The following AVEN variants were observed in gnomAD, a reference collection of about 807,000 sequenced individuals.
AVEN encodes cell death regulator Aven.
In AVEN, 41 loss-of-function variants were observed where a neutral mutation model predicts 38.1. The observed-to-expected ratio is 1.08, with a 90% CI of 0.84 to 1.40. The LOEUF (loss-of-function observed/expected upper bound fraction) is 1.40, where lower values mean the gene tolerates loss of function less well. Ranked by LOEUF, AVEN falls within the 40% of genes most tolerant of loss-of-function variation. The pLI is 0.00. For synonymous variants in AVEN, 206 were observed against 171.8 expected, an observed-to-expected ratio of 1.20 and a Z score of -1.56; for missense variants, 605 against 438.8, an observed-to-expected ratio of 1.38 and a Z score of -3.38.
intron 2 of AVEN, among the ~76,000 whole-genome samples, chr15:33,980,576 A>T (rs575395271): frequency 5.3e-4 from 80 of 152,276 alleles, no homozygotes; most frequent in Non-Finnish European, 1.1e-3. Context: ...GGCAAAAGGC[A>T]TCAATGAGTA....
chr15:33,924,380 AAATT>A (rs970933193), intron 2 of AVEN, among the ~76,000 whole-genome samples: 66 of 152,144 alleles, frequency 4.3e-4, no homozygotes, highest in African/African-American at 1.6e-3. Context: ...AAAAAAAAAA[AAATT>A]ATTATTTTTT....
intron 3 of AVEN, among the ~76,000 whole-genome samples, chr15:33,874,224 G>A (rs1331855763): frequency 6.6e-6 from 1 of 152,034 alleles, no homozygotes; most frequent in African/African-American, 2.4e-5. Context: ...TTATAACTCT[G>A]AGTTATATTT....
intron 1 of AVEN, among the ~76,000 whole-genome samples, chr15:34,072,660 T>A (rs917592029): frequency 8.5e-5 from 13 of 152,090 alleles, no homozygotes; most frequent in South Asian, 2.1e-4. Context: ...TATTATTATT[T>A]TTTTGAGATG....
At chr15:34,023,704 C>T (rs957567387) in intron 1 of AVEN, among the ~76,000 whole-genome samples, 3 of 152,272 alleles carry the variant, frequency 2.0e-5, no homozygotes, top group East Asian at 1.9e-4. Flanking sequence ...CCTTCAATCA[C>T]GCCAGGCTTA....
chr15:34,063,775 A>G lies in AVEN; in HGVS notation n.1127-343T>C, dbSNP rs150113487. 2.5e-4 allele frequency: 396 copies of G among 1,614,102 alleles called. No individual in the cohort carries two copies. The highest frequency in any genetic ancestry group is 2.9e-4 in the Non-Finnish European group (347 of 1,180,054). ...ACTTTTGTGAAAGCTGAAACTGAAA[A>G]AAGTGACTATGACACCCCAAACTAC... is the stretch of plus-strand genomic sequence containing the variant. On this transcript the variant is annotated intron_variant and non_coding_transcript_variant, in intron 4 of 11. Coordinates refer to the AVEN transcript ENST00000675287. This position sits in a 1 kb window ranked among gnomAD's most constrained non-coding sequence, Gnocchi z 4.1.
intron 2 of AVEN, among the ~76,000 whole-genome samples, chr15:33,980,719 C>T (rs375415283): frequency 6.6e-6 from 1 of 152,148 alleles, no homozygotes; most frequent in African/African-American, 2.4e-5. Flanking sequence ...TATCTGTACA[C>T]GGAGAACCCC....
chr15:33,937,458 G>A (rs1894128156), intron 2 of AVEN, among the ~76,000 whole-genome samples: 1 of 149,498 alleles, frequency 6.7e-6, no homozygotes, highest in African/African-American at 2.5e-5. Flanking sequence ...GCATGAACCT[G>A]GGAGGCGGAG....
At chr15:33,928,823 T>C (rs751538841) in intron 2 of AVEN, among the ~76,000 whole-genome samples, 8 of 152,142 alleles carry the variant, frequency 5.3e-5, no homozygotes, top group Non-Finnish European at 1.0e-4. Context: ...TCAGTCCAGA[T>C]GTGTCTTCAA....
At chr15:33,983,711 C>A (rs1301622014) in intron 2 of AVEN, among the ~76,000 whole-genome samples, 1 of 152,054 alleles carries the variant, frequency 6.6e-6, no homozygotes, top group Non-Finnish European at 1.5e-5. Flanking sequence ...TAGTGACTCG[C>A]TGCTAGTGAA....
At chr15:33,854,700 A>C (rs1197204973), downstream of AVEN, 1 of 1,535,206 alleles carries the variant, frequency 6.5e-7, no homozygotes, top group African/African-American at 1.4e-5. Flanking sequence ...AAATAAGAAA[A>C]AATGTTTTAT....
intron 2 of AVEN, among the ~76,000 whole-genome samples, chr15:33,905,970 T>C (rs1892685666): frequency 6.6e-6 from 1 of 152,212 alleles, no homozygotes; most frequent in South Asian, 2.1e-4. Flanking sequence ...TTTCTTCTAT[T>C]TCTAGATTTT....
intron 2 of AVEN, among the ~76,000 whole-genome samples, chr15:33,978,044 G>A (rs1436532687): frequency 1.3e-5 from 2 of 151,436 alleles, no homozygotes; most frequent in Admixed American, 6.6e-5. Context: ...GATGGAGGAG[G>A]AAGCGAGAGA....
At chr15:33,852,063 A>ATTTGCCGAGGTTATTCTTC in the AVEN span, 1 of 151,622 alleles carries the variant, frequency 6.6e-6, no homozygotes, top group Non-Finnish European at 1.5e-5. Flanking sequence ...GAGAGGCGGC[A>ATTTGCCGAGGTTATTCTTC]TGAGAGGTCA....
chr15:33,904,159 C>G (rs1275183270), intron 2 of AVEN, among the ~76,000 whole-genome samples: 2 of 152,176 alleles, frequency 1.3e-5, no homozygotes, highest in East Asian at 3.8e-4. Context: ...GTAGCTCACA[C>G]CTGTAATCCC....
chr15:33,869,276 C>G (rs1409372683), intron 4 of AVEN, among the ~76,000 whole-genome samples: 1 of 152,158 alleles, frequency 6.6e-6, no homozygotes, highest in African/African-American at 2.4e-5. Context: ...GAATACTGCT[C>G]TACAGCATGG....
rs371204081 is a variant in AVEN at position 33,904,716 on chromosome 15, T to TACACACAC, written c.446-28729_446-28722dup. Among the ~76,000 whole-genome samples the TACACACAC allele has an allele frequency of 1.2e-4, 17 of 143,352 alleles. No individual in the cohort carries two copies. The East Asian group carries it at 1.2e-3, about 10-fold the overall frequency. The allele number at this position is 143,352 out of a possible 152,430, so 94.0% of individuals were successfully genotyped here. A position where few individuals can be genotyped will look rare whatever the true frequency, so the allele number is the denominator to read the frequency against. ...AAAAATATATATATATATATATATA[T>TACACACAC]ACACACACACACGAATATGCACGCT... is the stretch of plus-strand genomic sequence containing the variant. On this transcript the variant is annotated intron_variant, in intron 2 of 5. Transcript: ENST00000306730.
rs577238133 is a variant in AVEN, at chr15:34,069,810, T to C, written n.784+778A>G. Among the ~76,000 whole-genome samples the C allele has an allele frequency of 4.2e-3, 647 of 152,336 alleles. 3 individuals carry two copies. The highest frequency in any genetic ancestry group is 7.4e-3 in the Non-Finnish European group (501 of 68,034). On this transcript the variant is annotated intron_variant and non_coding_transcript_variant, in intron 2 of 11. Coordinates refer to the AVEN transcript ENST00000675287. ...TCAGTTGGGTTTGCTCCTATTTATA[T>C]TGAATTTCAGAGTTTTCTCCCATAA... is the stretch of plus-strand genomic sequence containing the variant.
intron 2 of AVEN, chr15:33,972,362 G>A (rs1275339906): frequency 1.3e-5 from 2 of 152,092 alleles, no homozygotes; most frequent in Non-Finnish European, 1.5e-5. Flanking sequence ...GAAAGACGGT[G>A]TCTCTGAATG....
chr15:33,924,048 G>A (rs1893516617), intron 2 of AVEN, among the ~76,000 whole-genome samples: 1 of 151,856 alleles, frequency 6.6e-6, no homozygotes, highest in South Asian at 2.1e-4. Flanking sequence ...TAAATGTAAT[G>A]AGCTTGAATC....
Sources: allele counts gnomAD v4.1 joint callset (sites outside exome capture counted in the v4.1 genomes callset), GRCh38; gene constraint gnomAD v4.1.1; non-coding constraint Gnocchi (gnomAD v3.1); transcripts MANE v1.5; gene names NCBI Gene and HGNC (gene_info 2026-07-23, HGNC 2026-07-21).